CTIF: variants seen among roughly 807,000 people sequenced by gnomAD.
The protein encoded by CTIF is cap binding complex dependent translation initiation factor, also known as CBP80/20-dependent translation initiation factor.
CTIF carries 21 observed loss-of-function variants against 66.0 expected under a neutral mutation model. The observed-to-expected ratio is 0.32, with a 90% confidence interval of 0.23 to 0.46. CTIF has a LOEUF of 0.46. Ranked by LOEUF, CTIF falls within the 20% of genes least tolerant of loss-of-function variation. The probability of loss-of-function intolerance (pLI) is 1.00; values close to 1 mark genes in which losing one functional copy is unlikely to be tolerated. For synonymous variants in CTIF, 345 were observed against 326.4 expected (o/e 1.06, Z -0.62); for missense variants, 739 against 812.7 (o/e 0.91, Z 1.10).
At chr18:48,633,339 A>G (rs1394053123) in intron 2 of CTIF, among the ~76,000 whole-genome samples, 1 of 152,246 alleles carries the variant, frequency 6.6e-6, no homozygotes, top group African/African-American at 2.4e-5. Flanking sequence ...TTATAGTTAC[A>G]GTACTTTAAA....
intron 1 of CTIF, among the ~76,000 whole-genome samples, chr18:48,586,884 C>CATTAGAA (rs1193681277): frequency 1.6e-4 from 25 of 152,074 alleles, no homozygotes; most frequent in African/African-American, 5.3e-4. Context: ...TCTTTGGGAA[C>CATTAGAA]ATTAGAAAAA....
chr18:48,670,988 C>T (rs2091524794), intron 6 of CTIF, among the ~76,000 whole-genome samples: 1 of 152,138 alleles, frequency 6.6e-6, no homozygotes, highest in Non-Finnish European at 1.5e-5. Context: ...CTGATGTGCC[C>T]TAGAGATGAA....
intron 9 of CTIF, among the ~76,000 whole-genome samples, chr18:48,769,149 T>C (rs1909864723): frequency 6.6e-6 from 1 of 152,180 alleles, no homozygotes; most frequent in Admixed American, 6.5e-5. Flanking sequence ...CCCTCCCTCA[T>C]TTCTGCACAC....
intron 8 of CTIF, among the ~76,000 whole-genome samples, chr18:48,759,653 G>A (rs1478966556): frequency 6.6e-6 from 1 of 152,192 alleles, no homozygotes; most frequent in African/African-American, 2.4e-5. Flanking sequence ...CTGTAAAATG[G>A]GTGTTAATAC....
intron 2 of CTIF, among the ~76,000 whole-genome samples, chr18:48,625,412 A>C (rs1013262722): frequency 6.6e-6 from 1 of 152,264 alleles, no homozygotes; most frequent in Non-Finnish European, 1.5e-5. Flanking sequence ...ATTTTAAATT[A>C]TACAAGTCCT....
Position 48,670,736 on chromosome 18 carries a change from G to T in CTIF, c.499G>T (p.Ala167Ser). 2 of 1,614,092 alleles carry T rather than the reference G, an allele frequency of 1.2e-6. No homozygotes were observed. Among genetic ancestry groups the T allele is most frequent in the Non-Finnish European group, 1.7e-6 (2 of 1,179,932 alleles). Residue 167 changes from alanine (A) to serine (S), a missense_variant, in exon 6 of 12, where the codon GCC becomes TCC. Coordinates refer to ENST00000256413, the MANE Select transcript of CTIF (RefSeq NM_014772.3). The stretch of plus-strand genomic sequence containing the variant: ...GAATGACATCGAGAAGGTCCTTCCA[G>T]CCTGGCAGGTAGGTGCAGGGGCAGG... The part of the protein sequence containing the change: ...NLNDIEKVLP[A>S]WQGYHPMPHE...
At chr18:48,859,162 T>C (rs2069399409) in intron 11 of CTIF, among the ~76,000 whole-genome samples, 182 bp from the exon 12 acceptor site, 1 of 152,142 alleles carries the variant, frequency 6.6e-6, no homozygotes, top group Admixed American at 6.5e-5. Flanking sequence ...AAATGTGAGC[T>C]CTCACTCTTG....
intron 1 of CTIF, among the ~76,000 whole-genome samples, chr18:48,617,817 C>G (rs994232472): frequency 2.0e-5 from 3 of 152,178 alleles, no homozygotes; most frequent in Non-Finnish European, 2.9e-5. Flanking sequence ...TCCGCTGATT[C>G]CTCCCTCTAG....
intron 10 of CTIF, among the ~76,000 whole-genome samples, chr18:48,831,501 T>G (rs2068690896): frequency 6.6e-6 from 1 of 152,024 alleles, no homozygotes; most frequent in African/African-American, 2.4e-5. Context: ...GCCCCTCCCA[T>G]GAGGAACGGA....
intron 10 of CTIF, among the ~76,000 whole-genome samples, chr18:48,836,669 T>G (rs896473421): frequency 6.6e-6 from 1 of 152,182 alleles, no homozygotes. Flanking sequence ...CTGCCGTTGG[T>G]CATGCCCAGG....
Position 48,711,551 on chromosome 18 carries a change from A to G in CTIF, c.508-68A>G, listed in dbSNP as rs1419917547. ...TCTTAGATGCTGGTGTACTTAGTGCAGTCCCAGAGGTGCTTTGCTCTCTTT... is the reference window on the plus strand; with the variant it reads ...TCTTAGATGCTGGTGTACTTAGTGCGGTCCCAGAGGTGCTTTGCTCTCTTT... On this transcript the variant is annotated intron_variant, in intron 6 of 11. Transcript: ENST00000256413. 3 of 1,222,856 alleles carry G rather than the reference A, an allele frequency of 2.5e-6. No homozygotes were observed. In the African/African-American group the frequency reaches 4.5e-5, roughly 18 times the overall value. The allele number at this position is 1,222,856 out of a possible 1,614,324, so 75.8% of individuals were successfully genotyped here.
At chr18:48,816,045 C>T (rs781153463) in intron 9 of CTIF, among the ~76,000 whole-genome samples, 3 of 152,174 alleles carry the variant, frequency 2.0e-5, no homozygotes, top group Non-Finnish European at 4.4e-5. Flanking sequence ...CTCAGTGGCA[C>T]GCAGCAGTAA....
intron 7 of CTIF, among the ~76,000 whole-genome samples, chr18:48,712,869 A>G (rs2092241905): frequency 6.6e-6 from 1 of 152,226 alleles, no homozygotes; most frequent in African/African-American, 2.4e-5. Context: ...TTTGTCATCC[A>G]CTGGTGGATT....
At chr18:48,791,679 G>A (rs762102653) in intron 9 of CTIF, among the ~76,000 whole-genome samples, 5 of 152,170 alleles carry the variant, frequency 3.3e-5, no homozygotes, top group African/African-American at 7.2e-5. Context: ...CGTCTCAACC[G>A]TAGCTTTTAT....
At chr18:48,580,987 G>A (rs1487408999) in intron 1 of CTIF, among the ~76,000 whole-genome samples, 1 of 152,244 alleles carries the variant, frequency 6.6e-6, no homozygotes, top group African/African-American at 2.4e-5. Context: ...TTCCAGAGAT[G>A]AGAGCATTCT....
At chr18:48,854,055 A>G (rs976564915) in intron 10 of CTIF, among the ~76,000 whole-genome samples, 1 of 152,138 alleles carries the variant, frequency 6.6e-6, no homozygotes, top group Non-Finnish European at 1.5e-5. Flanking sequence ...TGCATAAATC[A>G]TGTTGACCAA....
At chr18:48,546,782 G>A (rs1428364094) in intron 1 of CTIF, among the ~76,000 whole-genome samples, 1 of 152,150 alleles carries the variant, frequency 6.6e-6, no homozygotes, top group Non-Finnish European at 1.5e-5. Context: ...AGAAAGGATG[G>A]ACTAGACAGC....
At chr18:48,685,299 T>G (rs1447723465) in intron 6 of CTIF, among the ~76,000 whole-genome samples, 1 of 152,146 alleles carries the variant, frequency 6.6e-6, no homozygotes, top group Non-Finnish European at 1.5e-5. Flanking sequence ...CTCGGCTCAC[T>G]GCAACCTCCG....
intron 6 of CTIF, among the ~76,000 whole-genome samples, chr18:48,676,199 C>A (rs2091626611): frequency 6.6e-6 from 1 of 152,188 alleles, no homozygotes; most frequent in African/African-American, 2.4e-5. Flanking sequence ...GGCACAGGGC[C>A]CTCGGCGCCC....
Sources: gnomAD v4.1 joint callset for allele counts (sites outside exome capture counted in the v4.1 genomes callset) on GRCh38, gnomAD v4.1.1 for gene constraint, MANE v1.5 for transcripts, NCBI Gene and HGNC (gene_info 2026-07-23, HGNC 2026-07-21) for gene names.